Variants in PRKN observed in about 807,000 individuals in gnomAD.
PRKN encodes the protein E3 ubiquitin-protein ligase parkin.
A neutral mutation model predicts 59.5 loss-of-function variants in PRKN; 56 were observed. The observed-to-expected ratio is 0.94, with a 90% CI of 0.76 to 1.18. The LOEUF is 1.18. Among genes scored for constraint, PRKN ranks in the 50% most tolerant of loss-of-function variants. The pLI is 0.00. For synonymous variants in PRKN, 250 were observed against 222.1 expected (o/e 1.13, Z -1.12); for missense variants, 657 against 596.4 (o/e 1.10, Z -1.06).
intron 5 of PRKN, among the ~76,000 whole-genome samples, chr6:161,977,311 C>T (rs778521372): frequency 2.0e-5 from 3 of 152,132 alleles, no homozygotes; most frequent in African/African-American, 4.8e-5. Flanking sequence ...CCCCTCCACA[C>T]GTCTCTCTCA....
rs189893463 is a variant in PRKN at position 162,693,232 on chromosome 6, G to A, written c.7+34430C>T. On this transcript the variant is annotated intron_variant, in intron 1 of 11. Coordinates refer to ENST00000366898, the MANE Select transcript of PRKN (RefSeq NM_004562.3). The stretch of plus-strand genomic sequence containing the variant: ...TAAGATGTATGTGCCCAGCAGGGTC[G>A]TGCCTGAAGTAGCCATCCTGCCTTT... 1.4e-4 allele frequency among the ~76,000 whole-genome samples: 21 copies of A among 152,274 alleles called. 1 individual carries two copies. In the South Asian group the frequency reaches 3.7e-3, roughly 27 times the overall value.
At chr6:162,254,843 A>T (rs942362336) in intron 3 of PRKN, among the ~76,000 whole-genome samples, 3 of 152,084 alleles carry the variant, frequency 2.0e-5, no homozygotes, top group Non-Finnish European at 2.9e-5. Flanking sequence ...TGGATGAAGT[A>T]CTCAAAAAAG....
chr6:162,652,221 G>A (rs1306171644), intron 1 of PRKN, among the ~76,000 whole-genome samples: 1 of 152,136 alleles, frequency 6.6e-6, no homozygotes, highest in Non-Finnish European at 1.5e-5. Flanking sequence ...TTGGGCATAC[G>A]TGGTGTCTAG....
At chr6:162,471,296 C>T (rs1348750585) in intron 1 of PRKN, among the ~76,000 whole-genome samples, 1 of 151,904 alleles carries the variant, frequency 6.6e-6, no homozygotes, top group Non-Finnish European at 1.5e-5. Context: ...TGGGTTTTCA[C>T]CATGTTGGCC....
chr6:162,191,373 A>G (rs963847512), intron 4 of PRKN, among the ~76,000 whole-genome samples: 6 of 152,206 alleles, frequency 3.9e-5, no homozygotes, highest in Non-Finnish European at 5.9e-5. Context: ...CCAGTTATAA[A>G]TGATGAGCTG....
intron 4 of PRKN, among the ~76,000 whole-genome samples, chr6:162,167,611 ATTT>A (rs34070887): frequency 2.1e-5 from 3 of 145,276 alleles, no homozygotes; most frequent in East Asian, 2.0e-4. Context: ...AATAACAGGG[ATTT>A]TTTTTTTTTT....
chr6:162,545,317 T>C (rs1405473860), intron 1 of PRKN, among the ~76,000 whole-genome samples: 1 of 152,014 alleles, frequency 6.6e-6, no homozygotes, highest in Non-Finnish European at 1.5e-5. Flanking sequence ...ATTTAAAAAA[T>C]ATCTGAATTG....
intron 9 of PRKN, among the ~76,000 whole-genome samples, chr6:161,427,282 A>T (rs1045082205): frequency 9.9e-5 from 15 of 152,160 alleles, no homozygotes; most frequent in African/African-American, 3.6e-4. Context: ...ATGCTGGGAT[A>T]TTACATGTTA....
In PRKN at chr6:161,423,416, C is replaced by A. The variant is rs1788191753; in HGVS notation, c.1084-36539G>T. Among the ~76,000 whole-genome samples, 1 of 152,216 alleles carries A rather than the reference C, an allele frequency of 6.6e-6. No homozygotes were observed. Among genetic ancestry groups the A allele is most frequent in the East Asian group, 1.9e-4 (1 of 5,178 alleles). On this transcript the variant is annotated intron_variant, in intron 9 of 11. Transcript: ENST00000366898. This position sits in a 1 kb window ranked among gnomAD's most constrained non-coding sequence, Gnocchi z 5.9. ...CTGCGATGCAGTTACACGTCGTAAC[C>A]ACCTGAATTTTATGGGGGAACCTTC... is the stretch of plus-strand genomic sequence containing the variant.
chr6:161,886,014 CA>C (rs1164322255), intron 6 of PRKN, among the ~76,000 whole-genome samples: 1 of 152,118 alleles, frequency 6.6e-6, no homozygotes, highest in Non-Finnish European at 1.5e-5. Context: ...CTAGGTTTAA[CA>C]AATGAATCTT....
At chr6:161,732,977 G>A (rs1024274148) in intron 7 of PRKN, among the ~76,000 whole-genome samples, 9 of 152,148 alleles carry the variant, frequency 5.9e-5, no homozygotes, top group South Asian at 4.1e-4. Flanking sequence ...TAATGAGGGC[G>A]TAGGAACCTC....
At chr6:161,822,541 T>C (rs1792073954) in intron 6 of PRKN, among the ~76,000 whole-genome samples, 2 of 152,058 alleles carry the variant, frequency 1.3e-5, no homozygotes, top group Non-Finnish European at 1.5e-5. Flanking sequence ...CCAGGCATGG[T>C]GGTGTGTGCC....
chr6:162,168,593 A>G (rs1783105010), intron 4 of PRKN, among the ~76,000 whole-genome samples: 1 of 148,534 alleles, frequency 6.7e-6, no homozygotes, highest in East Asian at 2.0e-4. Context: ...TCAAAGCAGC[A>G]TTTGGGGGAC....
At position 161,527,693 on chromosome 6, in the gene PRKN, C is replaced by T. The variant is rs919543622; in HGVS notation, c.1083+21161G>A. 2.0e-5 allele frequency among the ~76,000 whole-genome samples: 3 copies of T among 152,210 alleles called. No individual in the cohort carries two copies. The highest frequency in any genetic ancestry group is 1.3e-4 in the Admixed American group (2 of 15,284). On this transcript the variant is annotated intron_variant, in intron 9 of 11. Transcript: ENST00000366898. This position sits in a 1 kb window ranked among gnomAD's most constrained non-coding sequence, Gnocchi z 4.6. ...TACTAGAATGAGAGTTTCCTCTTTC[C>T]GTGATGCTCTAATATTCCTAGTCAG...
intron 5 of PRKN, among the ~76,000 whole-genome samples, chr6:162,028,589 G>C (rs1783523508): frequency 6.6e-6 from 1 of 152,208 alleles, no homozygotes; most frequent in Admixed American, 6.5e-5. Context: ...TCCTTTGAGA[G>C]ACTCTGAGGA....
chr6:161,672,073 T>C (rs1784930075), intron 7 of PRKN, among the ~76,000 whole-genome samples: 1 of 152,202 alleles, frequency 6.6e-6, no homozygotes, highest in Admixed American at 6.5e-5. Context: ...AGTTCAACTT[T>C]CTTGGTAACT....
chr6:162,331,473 T>C (rs530733428), intron 2 of PRKN, among the ~76,000 whole-genome samples: 4 of 152,334 alleles, frequency 2.6e-5, no homozygotes, highest in African/African-American at 7.2e-5. Flanking sequence ...CTGTAGCTCA[T>C]TCCTTTCTTC....
intron 7 of PRKN, among the ~76,000 whole-genome samples, chr6:161,615,922 G>A (rs750182312): frequency 1.4e-4 from 22 of 152,284 alleles, no homozygotes; most frequent in Non-Finnish European, 2.9e-4. Context: ...ACCCTCTCTC[G>A]GGTAAGCATC....
intron 2 of PRKN, among the ~76,000 whole-genome samples, chr6:162,430,173 C>T (rs2320813): frequency 0.12 from 17,999 of 150,802 alleles, 1,535 homozygotes; most frequent in African/African-American, 0.24. Context: ...ACGACGACGA[C>T]GATGATGATG....
Sources: gnomAD v4.1 joint callset for allele counts (sites outside exome capture counted in the v4.1 genomes callset) on GRCh38, gnomAD v4.1.1 for gene constraint, Gnocchi (gnomAD v3.1) non-coding constraint, MANE v1.5 for transcripts, NCBI Gene and HGNC (gene_info 2026-07-23, HGNC 2026-07-21) for gene names.